Variants in FAM184A observed in about 807,000 individuals in gnomAD.
The protein encoded by FAM184A is protein FAM184A.
A neutral mutation model predicts 143.8 loss-of-function variants in FAM184A; 99 were observed. The ratio of observed to expected loss-of-function variants is 0.69; its 90% CI spans 0.58 to 0.81. The LOEUF is 0.81. Among genes scored for constraint, FAM184A ranks in the 40% least tolerant of loss-of-function variants. The pLI, the probability that FAM184A is intolerant of heterozygous loss-of-function variation, is 0.00. For missense variants in FAM184A, 1,217 were observed against 1,310.5 expected (o/e 0.93, Z 1.10); for synonymous variants, 427 against 446.4 (o/e 0.96, Z 0.55).
chr6:119,108,545 T>C (rs1341424756), intron 1 of FAM184A, among the ~76,000 whole-genome samples: 1 of 152,186 alleles, frequency 6.6e-6, no homozygotes. Context: ...TAAAAACTTT[T>C]TCTTGACTTT....
chr6:119,009,446 CTT>C (rs1344746641), intron 6 of FAM184A: 1 of 154,752 alleles, frequency 6.5e-6, no homozygotes, highest in Non-Finnish European at 1.4e-5. Context: ...CAAGCTCTCT[CTT>C]TGCCTGCTGC....
chr6:118,968,345 C>G (rs1320201752), intron 14 of FAM184A, among the ~76,000 whole-genome samples: 1 of 152,222 alleles, frequency 6.6e-6, no homozygotes, highest in Non-Finnish European at 1.5e-5. Context: ...CAAAGCTGTC[C>G]TGGGCTGCAT....
chr6:118,967,132 G>C (rs1783526242), intron 14 of FAM184A, among the ~76,000 whole-genome samples, 180 bp from the exon 15 acceptor site: 1 of 152,170 alleles, frequency 6.6e-6, no homozygotes, highest in South Asian at 2.1e-4. Context: ...TGCATTAAAG[G>C]AGTTAAAGGG....
intron 1 of FAM184A, among the ~76,000 whole-genome samples, chr6:119,112,849 A>G (rs1360782): frequency 0.53 from 81,056 of 152,168 alleles, 24,137 homozygotes; most frequent in East Asian, 0.83. Context: ...GTGGAATCCA[A>G]GGCATCTTTG....
At chr6:118,987,290 C>A (rs1784225979) in intron 9 of FAM184A, among the ~76,000 whole-genome samples, 1 of 152,148 alleles carries the variant, frequency 6.6e-6, no homozygotes, top group Non-Finnish European at 1.5e-5. Flanking sequence ...GCCCACAAAG[C>A]CAAAAGTATT....
intron 1 of FAM184A, among the ~76,000 whole-genome samples, chr6:119,068,810 A>G (rs941538999): frequency 1.3e-5 from 2 of 151,840 alleles, no homozygotes; most frequent in African/African-American, 4.8e-5. Context: ...AGAATATGTC[A>G]ACTGAGTCAT....
At position 119,127,033 on chromosome 6, in the gene FAM184A, G is replaced by C. The variant is rs989088452; in HGVS notation, c.-202+22045C>G. On this transcript the variant is annotated intron_variant, in intron 1 of 16. Coordinates refer to the FAM184A transcript ENST00000352896. ...TTCCTTTTCTCTGCCAGCTGGGTCA[G>C]GGGTTTTTATGAGTGCAGGATGGTG... Among the ~76,000 whole-genome samples the C allele has an allele frequency of 2.3e-4, 35 of 152,182 alleles. 1 individual carries two copies. The highest frequency in any genetic ancestry group is 8.4e-4 in the African/African-American group (35 of 41,442).
At chr6:119,006,177 C>G (rs1196961853) in intron 7 of FAM184A, 2 of 765,066 alleles carry the variant, frequency 2.6e-6, no homozygotes, top group African/African-American at 3.4e-5. Context: ...CTACCAGAAG[C>G]TGGAAAATAC....
intron 1 of FAM184A, among the ~76,000 whole-genome samples, chr6:119,040,499 G>A (rs146396516): frequency 1.8e-4 from 28 of 152,264 alleles, no homozygotes; most frequent in African/African-American, 5.8e-4. Context: ...CGGGTGGCTT[G>A]CAAGGGTGGC....
chr6:119,120,979 CT>C (rs11375906), intron 1 of FAM184A, among the ~76,000 whole-genome samples: 86 of 141,386 alleles, frequency 6.1e-4, no homozygotes, highest in East Asian at 1.2e-3. Flanking sequence ...GAAAAACTTT[CT>C]TTTTTTTTTT....
chr6:119,145,893 GGAAAT>G (rs1395477583), intron 1 of FAM184A, among the ~76,000 whole-genome samples: 1 of 152,190 alleles, frequency 6.6e-6, no homozygotes, highest in African/African-American at 2.4e-5. Context: ...TTACAGGGAA[GGAAAT>G]CAGACTTACA....
chr6:119,081,009 A>T (rs893916591), upstream of FAM184A, among the ~76,000 whole-genome samples: 1 of 151,986 alleles, frequency 6.6e-6, no homozygotes, highest in Non-Finnish European at 1.5e-5. Context: ...CAGGAGGGGG[A>T]AAGAGAGCGG....
chr6:119,006,523 T>G lies in FAM184A; in HGVS notation c.1739A>C (p.Gln580Pro), dbSNP rs1784924748. 6.2e-7 allele frequency: 1 copy of G among 1,614,084 alleles called. No homozygotes were observed. The highest frequency in any genetic ancestry group is 1.7e-4 in the Middle Eastern group (1 of 6,060). ...EGLIASLQDS[Q>P]ERLQNELDLT... ...GTCAAGCTCATTCTGAAGCCTTTCC[T>G]GGGAGTCCTGAAGACTAGCAATAAG... The change falls in exon 7 of 18, where the codon CAG becomes CCG. Residue 580 changes from glutamine (Q) to proline (P), a missense_variant. Gln to Pro is a moderately conservative substitution (Grantham distance 76, BLOSUM62 -1). Coordinates refer to ENST00000338891, the MANE Select transcript of FAM184A (RefSeq NM_024581.6).
chr6:119,063,219 A>T (rs955519679), intron 1 of FAM184A, among the ~76,000 whole-genome samples: 1 of 152,230 alleles, frequency 6.6e-6, no homozygotes, highest in African/African-American at 2.4e-5. Flanking sequence ...AAGACAGTAC[A>T]ATCAAATAAC....
At chr6:119,053,907 T>C (rs1786860260) in intron 1 of FAM184A, among the ~76,000 whole-genome samples, 1 of 152,244 alleles carries the variant, frequency 6.6e-6, no homozygotes, top group African/African-American at 2.4e-5. Context: ...CCTATGGTGA[T>C]AAACATTTTC....
intron 1 of FAM184A, among the ~76,000 whole-genome samples, chr6:119,108,161 G>T (rs1788839641): frequency 6.8e-6 from 1 of 146,304 alleles, no homozygotes; most frequent in Non-Finnish European, 1.5e-5. Context: ...GGTGTGTAGG[G>T]TTCTTGTATG....
intron 1 of FAM184A, among the ~76,000 whole-genome samples, chr6:119,066,108 A>G (rs1787444847): frequency 6.6e-6 from 1 of 152,212 alleles, no homozygotes; most frequent in Non-Finnish European, 1.5e-5. Context: ...ACAACATCAT[A>G]TAGTGCAGCA....
In FAM184A at chr6:118,960,040, A is replaced by G; in HGVS notation, c.*63T>C. ...TGACATAGGAAAGCCTATTTACATA[A>G]CAATCTGTATAAAGTCATGCTCTTA... On this transcript the variant is annotated 3_prime_UTR_variant, in exon 18 of 18. Coordinates refer to ENST00000338891, the MANE Select transcript of FAM184A (RefSeq NM_024581.6). The G allele has an allele frequency of 7.5e-7, 1 of 1,328,806 alleles. No individual in the cohort carries two copies. Among genetic ancestry groups the G allele is most frequent in the Non-Finnish European group, 1.1e-6 (1 of 947,786 alleles). 82.3% of individuals were successfully genotyped at this position (1,328,806 alleles called of 1,614,324 possible).
At chr6:119,048,713 T>C (rs901797742) in intron 1 of FAM184A, among the ~76,000 whole-genome samples, 1 of 152,038 alleles carries the variant, frequency 6.6e-6, no homozygotes, top group African/African-American at 2.4e-5. Flanking sequence ...TAAAAATCAA[T>C]ACAATTGAAC....
Sources: gnomAD v4.1 joint callset for allele counts (sites outside exome capture counted in the v4.1 genomes callset) on GRCh38, gnomAD v4.1.1 for gene constraint, MANE v1.5 for transcripts, NCBI Gene and HGNC (gene_info 2026-07-23, HGNC 2026-07-21) for gene names.